Variants in SPOCK3 observed in about 807,000 individuals in gnomAD.
The protein encoded by SPOCK3 is SPARC (osteonectin), cwcv and kazal like domains proteoglycan 3.
In SPOCK3, 30 loss-of-function variants were observed where a neutral mutation model predicts 56.6. The observed-to-expected ratio is 0.53, with a 90% confidence interval of 0.40 to 0.72. The LOEUF is 0.72. Ranked by LOEUF, SPOCK3 falls within the 30% of genes least tolerant of loss-of-function variation. The pLI is 0.00. For synonymous variants in SPOCK3, 196 were observed against 183.3 expected (o/e 1.07, Z -0.56); for missense variants, 527 against 530.0 (o/e 0.99, Z 0.06).
intron 2 of SPOCK3, among the ~76,000 whole-genome samples, chr4:167,171,906 C>G (rs536233405): frequency 6.6e-6 from 1 of 150,800 alleles, no homozygotes; most frequent in Non-Finnish European, 1.5e-5. Flanking sequence ...GATTACCACC[C>G]CCCACTCCCC....
chr4:167,028,241 C>T (rs532963550), intron 3 of SPOCK3, among the ~76,000 whole-genome samples: 1 of 150,708 alleles, frequency 6.6e-6, no homozygotes, highest in African/African-American at 2.4e-5. Context: ...TTTTTAATTC[C>T]AAGCTTGGTG....
intron 4 of SPOCK3, among the ~76,000 whole-genome samples, chr4:166,979,066 T>A (rs1437851390): frequency 6.6e-6 from 1 of 152,206 alleles, no homozygotes; most frequent in Non-Finnish European, 1.5e-5. Flanking sequence ...TTCTAAGAAC[T>A]GTGGTTATCT....
intron 5 of SPOCK3, among the ~76,000 whole-genome samples, chr4:166,895,468 A>G (rs1387891868): frequency 6.6e-6 from 1 of 152,134 alleles, no homozygotes; most frequent in African/African-American, 2.4e-5. Context: ...AGTAGCGGAA[A>G]GATTCAGGGC....
chr4:166,952,488 C>T lies in SPOCK3; in HGVS notation c.351-39745G>A, dbSNP rs868584996. 2.0e-4 allele frequency among the ~76,000 whole-genome samples: 30 copies of T among 152,160 alleles called. No individual in the cohort carries two copies. The Middle Eastern group carries it at 0.017, about 86-fold the overall frequency. ...GCTCATGGGTAGGAAGAATCAATAT[C>T]GTGAAAATGGCCATACTGCCTAAGG... On this transcript the variant is annotated intron_variant, in intron 4 of 10. Coordinates refer to ENST00000357545, the MANE Select transcript of SPOCK3 (RefSeq NM_001040159.2).
chr4:166,995,644 C>T (rs989647446), intron 4 of SPOCK3, among the ~76,000 whole-genome samples: 1 of 151,862 alleles, frequency 6.6e-6, no homozygotes, highest in Non-Finnish European at 1.5e-5. Flanking sequence ...AAGCAGAACA[C>T]CCAGAAACTC....
intron 6 of SPOCK3, among the ~76,000 whole-genome samples, chr4:166,886,920 T>G (rs1164955048): frequency 1.3e-5 from 2 of 152,172 alleles, no homozygotes; most frequent in Non-Finnish European, 2.9e-5. Flanking sequence ...ACTGTACTGC[T>G]TTTCCACAGC....
chr4:166,765,230 C>T (rs975445279), intron 7 of SPOCK3, among the ~76,000 whole-genome samples: 2 of 152,156 alleles, frequency 1.3e-5, no homozygotes, highest in South Asian at 2.1e-4. Context: ...GTTGCCATTG[C>T]TTTTGGTGTT....
chr4:166,778,139 A>T (rs1470917382), intron 7 of SPOCK3, among the ~76,000 whole-genome samples: 1 of 152,238 alleles, frequency 6.6e-6, no homozygotes, highest in Non-Finnish European at 1.5e-5. Flanking sequence ...CTCTTCAAAG[A>T]TATTTCAAAA....
intron 2 of SPOCK3, among the ~76,000 whole-genome samples, chr4:167,158,804 C>A (rs1315139304): frequency 6.6e-6 from 1 of 151,914 alleles, no homozygotes; most frequent in African/African-American, 2.4e-5. Flanking sequence ...TAATAGATAT[C>A]ACTTGGGATC....
intron 4 of SPOCK3, among the ~76,000 whole-genome samples, chr4:166,932,298 T>C (rs959799116): frequency 2.6e-5 from 4 of 152,148 alleles, no homozygotes; most frequent in African/African-American, 9.6e-5. Context: ...ATCAAGAAAA[T>C]TCCTAAAGTG....
rs1446671235 is a variant in SPOCK3 at position 167,116,909 on chromosome 4, G to GTATATA, written c.190-54373_190-54372insTATATA. ...TATACATATATACTTTTGTGTGTGT[G>GTATATA]TGTGTATATATATATATATATATAC... is the stretch of plus-strand genomic sequence containing the variant. On this transcript the variant is annotated intron_variant, in intron 2 of 10. Coordinates refer to ENST00000357545, the MANE Select transcript of SPOCK3 (RefSeq NM_001040159.2). 7.9e-4 allele frequency among the ~76,000 whole-genome samples: 98 copies of GTATATA among 123,506 alleles called. 1 individual carries two copies. Among genetic ancestry groups the GTATATA allele is most frequent in the African/African-American group, 1.9e-3 (67 of 35,594 alleles). 81.0% of individuals were successfully genotyped at this position (123,506 alleles called of 152,430 possible). A position where few individuals can be genotyped will look rare whatever the true frequency, so the allele number is the denominator to read the frequency against.
intron 6 of SPOCK3, among the ~76,000 whole-genome samples, chr4:166,825,689 A>T (rs12511156): frequency 0.017 from 2,553 of 152,218 alleles, 33 homozygotes; most frequent in Non-Finnish European, 0.024. Context: ...CCATAAAAAA[A>T]GTGGTATATT....
intron 6 of SPOCK3, among the ~76,000 whole-genome samples, chr4:166,817,271 CA>C (rs1433246400): frequency 6.6e-6 from 1 of 152,050 alleles, no homozygotes; most frequent in Non-Finnish European, 1.5e-5. Context: ...GGGCTGTAGA[CA>C]AACCTTCCCT....
Position 166,773,584 on chromosome 4 carries a change from AT to A in SPOCK3, c.709+18585del, listed in dbSNP as rs535832692. Among the ~76,000 whole-genome samples the A allele has an allele frequency of 1.5e-3, 226 of 152,190 alleles. 2 individuals carry two copies. The highest frequency in any genetic ancestry group is 4.9e-3 in the African/African-American group (205 of 41,538). ...CAACATTCTATTATCTTATGTATTCATTTTTTCAGTCTTCTTCTTATGTTCT... is the reference window on the plus strand; with the variant it reads ...CAACATTCTATTATCTTATGTATTCATTTTTCAGTCTTCTTCTTATGTTCT... On this transcript the variant is annotated intron_variant, in intron 7 of 10. Transcript: ENST00000357545.
At chr4:166,903,582 A>G (rs925702835) in intron 5 of SPOCK3, among the ~76,000 whole-genome samples, 28 of 152,026 alleles carry the variant, frequency 1.8e-4, no homozygotes, top group African/African-American at 6.8e-4. Flanking sequence ...GTGCTTTCAT[A>G]TCGAGCCTAC....
chr4:166,883,627 C>A (rs1267118475), intron 6 of SPOCK3, among the ~76,000 whole-genome samples: 1 of 152,128 alleles, frequency 6.6e-6, no homozygotes, highest in Non-Finnish European at 1.5e-5. Flanking sequence ...TAAAAGCAAG[C>A]ACAAGATTTT....
At chr4:166,975,388 G>A (rs186217330) in intron 4 of SPOCK3, among the ~76,000 whole-genome samples, 317 of 152,100 alleles carry the variant, frequency 2.1e-3, no homozygotes, top group African/African-American at 7.3e-3. Flanking sequence ...GTACAGAGGT[G>A]GCATATAAAT....
At chr4:166,881,758 AT>A (rs2126982584) in intron 6 of SPOCK3, among the ~76,000 whole-genome samples, 1 of 152,226 alleles carries the variant, frequency 6.6e-6, no homozygotes, top group East Asian at 1.9e-4. Flanking sequence ...CTCAAATATC[AT>A]TTTAAGAGAC....
At chr4:166,936,273 C>G (rs565161649) in intron 4 of SPOCK3, among the ~76,000 whole-genome samples, 1 of 151,972 alleles carries the variant, frequency 6.6e-6, no homozygotes, top group African/African-American at 2.4e-5. Flanking sequence ...TTAACATATA[C>G]TTTTTAAAAA....
Sources: allele counts gnomAD v4.1 joint callset (sites outside exome capture counted in the v4.1 genomes callset), GRCh38; gene constraint gnomAD v4.1.1; transcripts MANE v1.5; gene names NCBI Gene and HGNC (gene_info 2026-07-23, HGNC 2026-07-21).